The following NOX3 variants were observed in gnomAD, a reference collection of about 807,000 sequenced individuals.
NOX3 encodes NADPH oxidase catalytic subunit-like 3.
A neutral mutation model predicts 76.7 loss-of-function variants in NOX3; 74 were observed. The ratio of observed to expected loss-of-function variants is 0.96; its 90% CI spans 0.80 to 1.17. The LOEUF (loss-of-function observed/expected upper bound fraction) is 1.17. Ranked by LOEUF, NOX3 falls within the 50% of genes most tolerant of loss-of-function variation. NOX3 has a pLI of 0.00. For synonymous variants in NOX3, 263 were observed against 261.1 expected (o/e 1.01, Z -0.07); for missense variants, 695 against 703.3 (o/e 0.99, Z 0.13).
chr6:155,427,805 G>C (rs138459394), intron 9 of NOX3, among the ~76,000 whole-genome samples: 30 of 152,114 alleles, frequency 2.0e-4, no homozygotes, highest in Non-Finnish European at 5.9e-5. Flanking sequence ...GAATTGACCC[G>C]AAGCCATTGT....
intron 9 of NOX3, among the ~76,000 whole-genome samples, chr6:155,428,256 C>A (rs1776782453): frequency 6.6e-6 from 1 of 152,212 alleles, no homozygotes; most frequent in Non-Finnish European, 1.5e-5. Context: ...AAGTCCTAAC[C>A]TCAGTACTTA....
At chr6:155,449,847 A>G (rs894364790) in intron 4 of NOX3, among the ~76,000 whole-genome samples, 11 of 152,246 alleles carry the variant, frequency 7.2e-5, no homozygotes, top group Admixed American at 3.9e-4. Context: ...TGCTAATAAA[A>G]TAAGCGCAGG....
In NOX3 at chr6:155,436,547, A is replaced by T; in HGVS notation, c.669T>A (p.Gly223=). ...FFLSLAIHGT[G]RIVRGQTQDS... is the part of the protein sequence containing the mutation. Reference sequence around the variant, plus strand: ...CTTGGGTTTGGCCTCGAACAATCCGACTTGTTATTTAAGAAAAGCAAAACA... The same window carrying T: ...CTTGGGTTTGGCCTCGAACAATCCGTCTTGTTATTTAAGAAAAGCAAAACA... The change falls in exon 7 of 14, where the codon GGT becomes GGA. Residue 223 remains glycine, a splice_region_variant and synonymous_variant. Transcript: ENST00000159060. 6.2e-7 allele frequency: 1 copy of T among 1,610,220 alleles called. No individual in the cohort carries two copies. Among genetic ancestry groups the T allele is most frequent in the Non-Finnish European group, 8.5e-7 (1 of 1,179,108 alleles).
At chr6:155,405,617 G>T (rs1776442994) in intron 12 of NOX3, among the ~76,000 whole-genome samples, 1 of 152,162 alleles carries the variant, frequency 6.6e-6, no homozygotes, top group Admixed American at 6.5e-5. Context: ...CCCCATGTCT[G>T]CCAACCAGCT....
intron 7 of NOX3, among the ~76,000 whole-genome samples, chr6:155,433,645 G>A (rs933753031): frequency 2.7e-5 from 4 of 150,642 alleles, no homozygotes; most frequent in African/African-American, 4.9e-5. Context: ...ACTTGTAGCA[G>A]CTAGCAGCAG....
intron 10 of NOX3, among the ~76,000 whole-genome samples, chr6:155,416,165 G>C (rs1776619224): frequency 6.6e-6 from 1 of 152,242 alleles, no homozygotes; most frequent in Non-Finnish European, 1.5e-5. Context: ...GTGGCTTGCA[G>C]TGCCACCTGC....
chr6:155,405,429 C>G (rs775799926), intron 12 of NOX3, among the ~76,000 whole-genome samples: 1 of 152,202 alleles, frequency 6.6e-6, no homozygotes, highest in Non-Finnish European at 1.5e-5. Flanking sequence ...CCATCTATAT[C>G]TGCCTGTCTG....
chr6:155,435,600 T>C (rs1417002238), intron 7 of NOX3, among the ~76,000 whole-genome samples: 1 of 152,236 alleles, frequency 6.6e-6, no homozygotes, highest in Non-Finnish European at 1.5e-5. Context: ...TCATCATTTG[T>C]ATACTATTAT....
chr6:155,418,064 T>A (rs1776642238), intron 10 of NOX3, among the ~76,000 whole-genome samples: 1 of 152,208 alleles, frequency 6.6e-6, no homozygotes, highest in Non-Finnish European at 1.5e-5. Context: ...CATCTTGCAG[T>A]TGGCAGTTGT....
At chr6:155,406,604 A>G (rs1277310147) in intron 12 of NOX3, among the ~76,000 whole-genome samples, 5 of 152,222 alleles carry the variant, frequency 3.3e-5, no homozygotes, top group Non-Finnish European at 1.5e-5. Flanking sequence ...GGAGGAAAGC[A>G]CTATTATTTT....
intron 4 of NOX3, among the ~76,000 whole-genome samples, chr6:155,446,174 C>G (rs1777063302): frequency 6.6e-6 from 1 of 151,742 alleles, no homozygotes; most frequent in East Asian, 1.9e-4. Flanking sequence ...ATGTTTCCTC[C>G]CTAGGTGCTT....
At chr6:155,411,490 TG>T (rs1776551828) in intron 10 of NOX3, 130 bp from the exon 11 acceptor site, 4 of 790,386 alleles carry the variant, frequency 5.1e-6, no homozygotes, top group Non-Finnish European at 7.5e-6. Context: ...TGCTTTTTTT[TG>T]TGTGTGTCAG....
intron 3 of NOX3, among the ~76,000 whole-genome samples, chr6:155,454,501 T>G (rs183860337): frequency 6.6e-6 from 1 of 152,256 alleles, no homozygotes; most frequent in Admixed American, 6.5e-5. Context: ...CTTATCTGTC[T>G]TCTTTCAGTC....
chr6:155,408,110 C>G (rs181193853), intron 11 of NOX3, among the ~76,000 whole-genome samples: 1 of 152,098 alleles, frequency 6.6e-6, no homozygotes, highest in Non-Finnish European at 1.5e-5. Flanking sequence ...TCTCGAGTAG[C>G]TGGGACTACA....
rs1434852977 is a variant in NOX3 at position 155,428,775 on chromosome 6, G to C, written c.1145+19C>G. ...TTTTATAATACTGCAATTTATACAT[G>C]AGAGAAATGGGCACGAACCTTGGCA... is the stretch of plus-strand genomic sequence containing the variant. On this transcript the variant is annotated intron_variant, in intron 9 of 13. Coordinates refer to ENST00000159060, the MANE Select transcript of NOX3 (RefSeq NM_015718.3). 1.4e-6 allele frequency: 2 copies of C among 1,468,914 alleles called. No individual in the cohort carries two copies. The highest frequency in any genetic ancestry group is 4.7e-5 in the Admixed American group (2 of 42,196). The allele number at this position is 1,468,914 out of a possible 1,614,324, so 91.0% of individuals were successfully genotyped here.
intron 10 of NOX3, among the ~76,000 whole-genome samples, chr6:155,413,169 T>C (rs1466930533): frequency 1.3e-5 from 2 of 152,050 alleles, no homozygotes; most frequent in Non-Finnish European, 2.9e-5. Context: ...CCCCTCTTCA[T>C]GAGAAGGGGA....
intron 11 of NOX3, among the ~76,000 whole-genome samples, chr6:155,410,452 A>T (rs1428537979): frequency 6.6e-6 from 1 of 152,198 alleles, no homozygotes; most frequent in Non-Finnish European, 1.5e-5. Flanking sequence ...GCTGATTAGA[A>T]TATATATTGT....
chr6:155,429,822 C>T (rs1457792623), intron 8 of NOX3, among the ~76,000 whole-genome samples: 3 of 152,056 alleles, frequency 2.0e-5, no homozygotes, highest in East Asian at 1.9e-4. Context: ...AGTATTTTTC[C>T]GTTCAAAAGA....
At chr6:155,404,073 T>C (rs1054291356) in intron 12 of NOX3, among the ~76,000 whole-genome samples, 2 of 151,524 alleles carry the variant, frequency 1.3e-5, no homozygotes, top group Non-Finnish European at 2.9e-5. Context: ...ATTTATTCCA[T>C]GATGACTGAA....
Sources: gnomAD v4.1 joint callset for allele counts (sites outside exome capture counted in the v4.1 genomes callset) on GRCh38, gnomAD v4.1.1 for gene constraint, MANE v1.5 for transcripts, NCBI Gene and HGNC (gene_info 2026-07-23, HGNC 2026-07-21) for gene names.